HADH: variants seen among roughly 807,000 people sequenced by gnomAD.
The protein encoded by HADH is hydroxyacyl-coenzyme A dehydrogenase, mitochondrial.
HADH carries 24 observed loss-of-function variants against 32.2 expected under a neutral mutation model. The observed-to-expected ratio is 0.75, with a 90% CI of 0.54 to 1.05. The LOEUF is 1.05. Among genes scored for constraint, HADH ranks in the 50% least tolerant of loss-of-function variants. The pLI is 0.00. For missense variants in HADH, 350 were observed against 397.1 expected, an observed-to-expected ratio of 0.88 and a Z score of 1.01; for synonymous variants, 139 against 152.5, an observed-to-expected ratio of 0.91 and a Z score of 0.65.
intron 1 of HADH, among the ~76,000 whole-genome samples, chr4:108,007,910 C>T (rs999809001): frequency 6.6e-6 from 1 of 152,158 alleles, no homozygotes; most frequent in Non-Finnish European, 1.5e-5. Flanking sequence ...AACCTTGTGT[C>T]TCTAGGGTAT....
chr4:107,990,446 C>G (rs1734746112), intron 1 of HADH, among the ~76,000 whole-genome samples: 1 of 152,236 alleles, frequency 6.6e-6, no homozygotes, highest in African/African-American at 2.4e-5. Flanking sequence ...CGGGAGTTTG[C>G]TGCCAAAGAC....
chr4:107,993,782 T>C (rs2126217699), intron 1 of HADH, among the ~76,000 whole-genome samples: 1 of 152,356 alleles, frequency 6.6e-6, no homozygotes, highest in East Asian at 1.9e-4. Flanking sequence ...GAAGTTAACT[T>C]GTTTCATGTG....
intron 5 of HADH, chr4:108,026,855 C>T (rs1736084955): frequency 6.6e-6 from 1 of 152,240 alleles, no homozygotes; most frequent in Non-Finnish European, 1.5e-5. Flanking sequence ...AAAAAAATCA[C>T]CTGCTTTTCT....
intron 1 of HADH, among the ~76,000 whole-genome samples, chr4:107,997,576 C>G (rs1285573945): frequency 6.6e-6 from 1 of 152,140 alleles, no homozygotes; most frequent in Non-Finnish European, 1.5e-5. Flanking sequence ...GCAGCCGTGT[C>G]TAAAAATATT....
intron 4 of HADH, 57 bp downstream of exon 4, chr4:108,019,723 C>T: frequency 1.2e-6 from 2 of 1,606,734 alleles, no homozygotes; most frequent in Non-Finnish European, 1.7e-6. Flanking sequence ...CTCAGTCCTG[C>T]TTTTCTGTGT....
At chr4:107,996,132 TC>T (rs1734952774) in intron 1 of HADH, among the ~76,000 whole-genome samples, 1 of 152,208 alleles carries the variant, frequency 6.6e-6, no homozygotes, top group African/African-American at 2.4e-5. Flanking sequence ...ATGGGAGAGC[TC>T]TTTCCTCTGC....
intron 2 of HADH, among the ~76,000 whole-genome samples, chr4:108,012,404 C>T (rs1735527972): frequency 6.6e-6 from 1 of 152,190 alleles, no homozygotes; most frequent in Admixed American, 6.5e-5. Context: ...TTACTTTCTG[C>T]AGAAAGGGTA....
At chr4:108,002,735 A>G (rs1485319322) in intron 1 of HADH, among the ~76,000 whole-genome samples, 1 of 152,198 alleles carries the variant, frequency 6.6e-6, no homozygotes, top group Non-Finnish European at 1.5e-5. Context: ...CCCTCACCAG[A>G]CACTGAACAT....
chr4:108,013,066 G>C (rs969028369), intron 2 of HADH, among the ~76,000 whole-genome samples: 1 of 152,202 alleles, frequency 6.6e-6, no homozygotes, highest in Non-Finnish European at 1.5e-5. Flanking sequence ...TTGAGTAGCT[G>C]GGACTGCAGG....
chr4:107,992,114 T>G (rs1734833556), intron 1 of HADH, among the ~76,000 whole-genome samples: 1 of 152,168 alleles, frequency 6.6e-6, no homozygotes, highest in Admixed American at 6.5e-5. Flanking sequence ...GGAGAAATGA[T>G]TGACATTAAT....
chr4:108,031,844 TTGAA>T (rs528756337), intron 6 of HADH: 4 of 152,560 alleles, frequency 2.6e-5, no homozygotes, highest in South Asian at 2.1e-4. Flanking sequence ...TGAATAGAAG[TTGAA>T]TGAATGAATG....
intron 6 of HADH, chr4:108,030,875 T>G (rs1736238801): frequency 6.6e-6 from 1 of 152,274 alleles, no homozygotes; most frequent in Non-Finnish European, 1.5e-5. Context: ...AAAGTTTGCC[T>G]CTTTTGCTCT....
intron 3 of HADH, among the ~76,000 whole-genome samples, chr4:108,019,030 A>C (rs2126231803): frequency 6.6e-6 from 1 of 152,346 alleles, no homozygotes; most frequent in South Asian, 2.1e-4. Context: ...CAATTGAAAA[A>C]TAAAGCTTTT....
intron 1 of HADH, among the ~76,000 whole-genome samples, chr4:107,993,429 A>G (rs192682475): frequency 1.1e-3 from 168 of 152,324 alleles, no homozygotes; most frequent in Non-Finnish European, 9.9e-4. Flanking sequence ...TATTGAGGTT[A>G]TGTTACTGAT....
In HADH at chr4:108,009,712, TTA is replaced by T. The variant is rs377262042; in HGVS notation, c.133-45_133-44del. On this transcript the variant is annotated intron_variant, in intron 1 of 7. Transcript: ENST00000309522. The stretch of plus-strand genomic sequence containing the variant: ...GGGGTGGGGTGTGTGCGCGTGCGTG[TTA>T]TGTTTTCTTTCTTTTAAAAAGAAAT... 74 of 1,597,158 alleles carry T rather than the reference TTA, an allele frequency of 4.6e-5. No individual in the cohort carries two copies. In the East Asian group the frequency reaches 1.2e-3, roughly 26 times the overall value.
At position 108,033,283 on chromosome 4, in the gene HADH, A is replaced by G. The variant is rs1404810726; in HGVS notation, c.817A>G (p.Ile273Val). 20 of 1,514,136 alleles carry G rather than the reference A, an allele frequency of 1.3e-5. No homozygotes were observed. Among genetic ancestry groups the G allele is most frequent in the Non-Finnish European group, 1.7e-5 (18 of 1,088,944 alleles). 93.8% of individuals were successfully genotyped at this position (1,514,136 alleles called of 1,614,324 possible). The change falls in exon 7 of 8, where the codon ATC (isoleucine) becomes GTC (valine). Residue 273 changes from isoleucine to valine, a missense_variant. Physicochemically the swap from Ile to Val is conservative, Grantham distance 29. Transcript: ENST00000309522. The part of the protein sequence containing the change: ...DYVGLDTTKF[I>V]VDGWHEMDAE... ...TGTCGGACTGGATACTACGAAGTTC[A>G]TCGTGGATGGTAGGAATTGGAATTT... is the stretch of plus-strand genomic sequence containing the variant.
chr4:108,004,365 CCT>C (rs1735219034), intron 1 of HADH: 1 of 314,364 alleles, frequency 3.2e-6, no homozygotes, highest in African/African-American at 2.2e-5. Flanking sequence ...AAAGCACACA[CCT>C]CTGAGAAGCC....
chr4:108,026,227 G>A (rs1290775296), intron 5 of HADH: 3 of 152,034 alleles, frequency 2.0e-5, no homozygotes, highest in African/African-American at 4.8e-5. Context: ...TTTTAGTAGA[G>A]ACAGGGTTTC....
At chr4:108,009,627 C>T (rs561755973) in intron 1 of HADH, 132 bp from the exon 2 acceptor site, 22 of 750,724 alleles carry the variant, frequency 2.9e-5, no homozygotes, top group East Asian at 2.4e-4. Context: ...TATGTTCACT[C>T]GGTATTTTGA....
Sources: gnomAD v4.1 joint callset for allele counts (sites outside exome capture counted in the v4.1 genomes callset) on GRCh38, gnomAD v4.1.1 for gene constraint, MANE v1.5 for transcripts, NCBI Gene and HGNC (gene_info 2026-07-23, HGNC 2026-07-21) for gene names.